DNAJB6: variants seen among roughly 807,000 people sequenced by gnomAD.
DNAJB6 encodes the protein DnaJ heat shock protein family (Hsp40) member B6.
A neutral mutation model predicts 42.7 loss-of-function variants in DNAJB6; 16 were observed. The ratio of observed to expected loss-of-function variants is 0.37; its 90% CI spans 0.25 to 0.57. The LOEUF is 0.57. Ranked by LOEUF, DNAJB6 falls within the 20% of genes least tolerant of loss-of-function variation. DNAJB6 has a pLI of 0.74. For synonymous variants in DNAJB6, 170 were observed against 163.5 expected (o/e 1.04, Z -0.30); for missense variants, 347 against 416.8 (o/e 0.83, Z 1.46).
chr7:157,408,286 TC>T (rs1795844548), intron 8 of DNAJB6, among the ~76,000 whole-genome samples: 1 of 152,092 alleles, frequency 6.6e-6, no homozygotes, highest in Non-Finnish European at 1.5e-5. Context: ...GGTTAAATGG[TC>T]CCCAAAATCA....
At chr7:157,410,032 C>T in intron 9 of DNAJB6, 31 bp downstream of exon 9, 5 of 1,500,484 alleles carry the variant, frequency 3.3e-6, no homozygotes, top group South Asian at 1.3e-5. Flanking sequence ...GTGGAGCAGG[C>T]GCAGAGTGAG....
chr7:157,348,051 C>T (rs972193420), intron 1 of DNAJB6, among the ~76,000 whole-genome samples: 1 of 151,862 alleles, frequency 6.6e-6, no homozygotes, highest in African/African-American at 2.4e-5. Flanking sequence ...CTACCTCAGC[C>T]TCCCAAAGTG....
chr7:157,364,590 G>A (rs1349380439), intron 3 of DNAJB6, among the ~76,000 whole-genome samples: 1 of 152,172 alleles, frequency 6.6e-6, no homozygotes, highest in East Asian at 1.9e-4. Flanking sequence ...CGCTGGGAGT[G>A]ACAGAGGAGG....
At chr7:157,382,535 T>TTGA in intron 6 of DNAJB6, 158 bp downstream of exon 6, 1 of 529,720 alleles carries the variant, frequency 1.9e-6, no homozygotes, top group South Asian at 4.3e-5. Context: ...AGGTCTGCGC[T>TTGA]TAACCTACAT....
chr7:157,397,363 G>T (rs561788693), intron 8 of DNAJB6, among the ~76,000 whole-genome samples: 10 of 152,294 alleles, frequency 6.6e-5, no homozygotes, highest in Middle Eastern at 3.4e-3. Context: ...GAGGGGGTGC[G>T]GGTGAATGGT....
intron 8 of DNAJB6, among the ~76,000 whole-genome samples, chr7:157,401,213 T>G (rs184128901): frequency 6.6e-6 from 1 of 152,224 alleles, no homozygotes; most frequent in Non-Finnish European, 1.5e-5. Context: ...TTATATAATT[T>G]ATATTTCTTT....
At chr7:157,396,707 C>G (rs1431438962) in intron 8 of DNAJB6, among the ~76,000 whole-genome samples, 3 of 152,202 alleles carry the variant, frequency 2.0e-5, no homozygotes, top group South Asian at 2.1e-4. Flanking sequence ...GCTGTAATTT[C>G]CGGCTTTCAT....
intron 1 of DNAJB6, among the ~76,000 whole-genome samples, chr7:157,350,075 A>G (rs886862141): frequency 6.6e-6 from 1 of 152,142 alleles, no homozygotes; most frequent in Non-Finnish European, 1.5e-5. Flanking sequence ...GGCATGAACC[A>G]TTGCATCCTG....
At chr7:157,394,910 T>C (rs1801510661) in intron 8 of DNAJB6, among the ~76,000 whole-genome samples, 1 of 152,084 alleles carries the variant, frequency 6.6e-6, no homozygotes. Flanking sequence ...GGCAACGTGG[T>C]GAGACTCTGT....
At chr7:157,384,652 C>T (rs899920037) in intron 6 of DNAJB6, among the ~76,000 whole-genome samples, 9 of 152,308 alleles carry the variant, frequency 5.9e-5, no homozygotes, top group South Asian at 2.1e-4. Flanking sequence ...TGCACTCTCG[C>T]GTTGCCCTAG....
chr7:157,411,443 GGATCCCTGCACTGAGCGGGC>G (rs1795973765), intron 9 of DNAJB6: 3 of 149,944 alleles, frequency 2.0e-5, no homozygotes, highest in Non-Finnish European at 4.4e-5. Context: ...AGGCTCCCCA[GGATCCCTGCACTGAGCGGGC>G]GTTGGGGAGG....
intron 1 of DNAJB6, among the ~76,000 whole-genome samples, chr7:157,343,216 A>G (rs898114474): frequency 2.2e-4 from 33 of 150,828 alleles, no homozygotes; most frequent in Non-Finnish European, 2.1e-4. Flanking sequence ...GCAGGAGTGC[A>G]GTGGCACTAT....
intron 8 of DNAJB6, among the ~76,000 whole-genome samples, chr7:157,399,609 A>G (rs1801752021): frequency 6.6e-6 from 1 of 151,800 alleles, no homozygotes; most frequent in African/African-American, 2.4e-5. Context: ...CGGTGACATC[A>G]CCTAACATAC....
chr7:157,360,884 A>G (rs1799550967), intron 2 of DNAJB6, among the ~76,000 whole-genome samples: 1 of 152,166 alleles, frequency 6.6e-6, no homozygotes, highest in South Asian at 2.1e-4. Flanking sequence ...GGTCCAACAG[A>G]TCTGAAGGTC....
chr7:157,393,537 AGAGGGT>A (rs1213511542), intron 8 of DNAJB6, among the ~76,000 whole-genome samples: 1 of 152,090 alleles, frequency 6.6e-6, no homozygotes, highest in African/African-American at 2.4e-5. Flanking sequence ...GATTCTGTAG[AGAGGGT>A]GAAGCTCCCG....
chr7:157,358,057 A>C (rs544055553), intron 1 of DNAJB6, among the ~76,000 whole-genome samples: 13 of 152,338 alleles, frequency 8.5e-5, no homozygotes, highest in African/African-American at 2.6e-4. Context: ...TGTGGGTGAC[A>C]GAATGGTGGA....
intron 1 of DNAJB6, among the ~76,000 whole-genome samples, chr7:157,341,867 C>G (rs972131260): frequency 1.3e-5 from 2 of 152,170 alleles, no homozygotes; most frequent in African/African-American, 4.8e-5. Context: ...GAGTACTTAA[C>G]CGAGTGTTGC....
chr7:157,408,937 C>T lies in DNAJB6; in HGVS notation c.692-858C>T, dbSNP rs191619520. ...TGCTGGGTGCGACAGTCGTTTTAGG[C>T]ACATTTTAGAGTTTGCGGAGGGACG... On this transcript the variant is annotated intron_variant, in intron 8 of 9. Transcript: ENST00000262177. Among the ~76,000 whole-genome samples, 117 of 152,326 alleles carry T rather than the reference C, an allele frequency of 7.7e-4. 1 individual carries two copies. Among genetic ancestry groups the T allele is most frequent in the Admixed American group, 4.1e-3 (62 of 15,298 alleles).
At chr7:157,339,247 GGTCTGAGGTGGGGGT>G (rs1798212483) in intron 1 of DNAJB6, among the ~76,000 whole-genome samples, 1 of 147,768 alleles carries the variant, frequency 6.8e-6, no homozygotes, top group Non-Finnish European at 1.5e-5. Context: ...CCTAAATCCA[GGTCTGAGGTGGGGGT>G]GGAATGGTCT....
Sources: allele counts gnomAD v4.1 joint callset (sites outside exome capture counted in the v4.1 genomes callset), GRCh38; gene constraint gnomAD v4.1.1; transcripts MANE v1.5; gene names NCBI Gene and HGNC (gene_info 2026-07-23, HGNC 2026-07-21).